LTBP2: variants seen among roughly 807,000 people sequenced by gnomAD.
The protein encoded by LTBP2 is latent transforming growth factor beta binding protein 2.
LTBP2 carries 103 observed loss-of-function variants against 210.6 expected under a neutral mutation model. The observed-to-expected ratio is 0.49, with a 90% CI of 0.42 to 0.58. The LOEUF is 0.58. Among genes scored for constraint, LTBP2 ranks in the 20% least tolerant of loss-of-function variants. LTBP2 has a pLI of 0.00. For synonymous variants in LTBP2, 1,007 were observed against 1,015.0 expected (o/e 0.99, Z 0.15); for missense variants, 2,313 against 2,494.5 (o/e 0.93, Z 1.55).
intron 6 of LTBP2, 144 bp from the exon 7 acceptor site, chr14:74,551,494 C>A: frequency 1.2e-6 from 1 of 800,338 alleles, no homozygotes; most frequent in Non-Finnish European, 1.9e-6. Flanking sequence ...TCTTTGCTCC[C>A]AAGTTAGAAC....
intron 3 of LTBP2, among the ~76,000 whole-genome samples, chr14:74,578,679 T>C (rs1457038349): frequency 1.3e-5 from 2 of 152,164 alleles, no homozygotes; most frequent in Admixed American, 1.3e-4. Context: ...AGGTTCACGA[T>C]ATCATCAGCA....
chr14:74,611,509 C>G lies in LTBP2; in HGVS notation c.436G>C (p.Gly146Arg). The G allele has an allele frequency of 6.5e-7, 1 of 1,530,190 alleles. No homozygotes were observed. The highest frequency in any genetic ancestry group is 2.0e-5 in the Admixed American group (1 of 49,012). 94.8% of individuals were successfully genotyped at this position (1,530,190 alleles called of 1,614,324 possible). A position where few individuals can be genotyped will look rare whatever the true frequency, so the allele number is the denominator to read the frequency against. The change falls in exon 1 of 36, where the codon GGG becomes CGG. Residue 146 changes from glycine (G) to arginine (R), a missense_variant. Physicochemically the swap from Gly to Arg is moderately radical, Grantham distance 125. This residue lies in a region of LTBP2 where 1,867 missense variants were observed against 1,976.9 expected (regional missense o/e 0.94). Coordinates refer to ENST00000261978, the MANE Select transcript of LTBP2 (RefSeq NM_000428.3). ...TRAAPALPRL[G>R]TPQRSGAAPP... ...GCAGCCCCAGACCGCTGTGGGGTCC[C>G]CAGGCGTGGGAGAGCCGGCGCGGCC...
chr14:74,518,795 G>T (rs957559669), intron 17 of LTBP2, among the ~76,000 whole-genome samples: 1 of 152,216 alleles, frequency 6.6e-6, no homozygotes, highest in Admixed American at 6.5e-5. Context: ...CTGCTGTACT[G>T]GTGGGCCCAG....
rs774280218 is a variant in LTBP2, at chr14:74,510,100, C to T, written c.3142G>A (p.Gly1048Ser). Residue 1048 changes from glycine to serine, a missense_variant, in exon 20 of 36, where the codon GGC (glycine) becomes AGC (serine). Around this residue, in one of 3 missense-constraint regions of LTBP2, gnomAD observed 1,867 missense variants for 1,976.9 expected, o/e 0.94. Transcript: ENST00000261978. ...TTCAGCATCTCTGTACCTTGGCAGC[C>T]CTTCTCATCTGAGGTGACCTCATAG... ...QGYEVTSDEKGCQDVDECASR... is the reference protein window; with the variant it reads ...QGYEVTSDEKSCQDVDECASR... The T allele has an allele frequency of 1.9e-6, 3 of 1,614,086 alleles. No homozygotes were observed. In the South Asian group the frequency reaches 3.3e-5, roughly 18 times the overall value.
intron 8 of LTBP2, among the ~76,000 whole-genome samples, chr14:74,540,959 A>T (rs1225888409): frequency 1.5e-5 from 2 of 134,882 alleles, no homozygotes; most frequent in East Asian, 4.1e-4. Flanking sequence ...TTATATATGT[A>T]GGTTAAATTC....
chr14:74,526,040 CT>C, intron 14 of LTBP2, 34 bp downstream of exon 14: 1 of 1,584,806 alleles, frequency 6.3e-7, no homozygotes, highest in South Asian at 1.1e-5. Flanking sequence ...CCTCCCTTCT[CT>C]TTTGCCTAGG....
chr14:74,503,142 C>G (rs2086933652), intron 33 of LTBP2, 77 bp downstream of exon 33: 16 of 1,587,208 alleles, frequency 1.0e-5, no homozygotes, highest in Non-Finnish European at 1.1e-5. Context: ...TTCTAGATCC[C>G]CAGTTCCAAG....
chr14:74,524,144 C>A (rs945290987), intron 15 of LTBP2, among the ~76,000 whole-genome samples: 3 of 152,136 alleles, frequency 2.0e-5, no homozygotes, highest in Admixed American at 6.5e-5. Flanking sequence ...CTGCCCCCTG[C>A]CCCCTGCTTC....
At chr14:74,538,398 G>A (rs528404177) in intron 8 of LTBP2, among the ~76,000 whole-genome samples, 3 of 152,094 alleles carry the variant, frequency 2.0e-5, no homozygotes, top group East Asian at 1.9e-4. Flanking sequence ...GAGAAGGGTC[G>A]GCATTGCGTT....
chr14:74,593,847 T>A (rs1437493850), intron 2 of LTBP2, among the ~76,000 whole-genome samples: 14 of 152,006 alleles, frequency 9.2e-5, no homozygotes, highest in Admixed American at 9.2e-4. Flanking sequence ...TATGACCCTT[T>A]CCCCAGGAAA....
intron 9 of LTBP2, 111 bp from the exon 10 acceptor site, chr14:74,532,659 AGCT>A (rs2087367172): frequency 7.9e-7 from 1 of 1,258,800 alleles, no homozygotes; most frequent in Middle Eastern, 1.8e-4. Context: ...ACAACAAAAG[AGCT>A]GCTATGTATT....
At chr14:74,556,609 T>C (rs1035821997) in intron 3 of LTBP2, among the ~76,000 whole-genome samples, 1 of 152,248 alleles carries the variant, frequency 6.6e-6, no homozygotes, top group African/African-American at 2.4e-5. Flanking sequence ...CTCTGCCTCC[T>C]GGGTTCAAGC....
chr14:74,506,889 G>T (rs547249821), intron 26 of LTBP2, 66 bp from the exon 27 acceptor site: 1 of 1,282,622 alleles, frequency 7.8e-7, no homozygotes, highest in Non-Finnish European at 1.1e-6. Context: ...GCGCGCGCGC[G>T]TGTGTGCTCA....
intron 2 of LTBP2, among the ~76,000 whole-genome samples, chr14:74,591,305 T>C (rs1371207375): frequency 2.0e-5 from 3 of 152,134 alleles, no homozygotes; most frequent in Non-Finnish European, 4.4e-5. Context: ...CAAACTTTGG[T>C]TGGTACAATG....
At chr14:74,533,777 T>C (rs1370413771) in intron 9 of LTBP2, among the ~76,000 whole-genome samples, 9 of 152,350 alleles carry the variant, frequency 5.9e-5, no homozygotes, top group African/African-American at 2.2e-4. Flanking sequence ...CCCCTTTTCC[T>C]GCTGCAAACT....
At chr14:74,581,402 T>C (rs1158307224) in intron 3 of LTBP2, among the ~76,000 whole-genome samples, 2 of 151,984 alleles carry the variant, frequency 1.3e-5, no homozygotes, top group African/African-American at 4.8e-5. Flanking sequence ...GGTCATGACA[T>C]AGGCCCCTAA....
chr14:74,567,446 G>A (rs1304397366), intron 3 of LTBP2, among the ~76,000 whole-genome samples: 1 of 152,174 alleles, frequency 6.6e-6, no homozygotes, highest in East Asian at 1.9e-4. Flanking sequence ...CTCACACCCG[G>A]GCCACCTCAG....
At position 74,508,701 on chromosome 14, in the gene LTBP2, G is replaced by A. The variant is rs1341187341; in HGVS notation, c.3555C>T (p.His1185=). 5 of 1,613,690 alleles carry A rather than the reference G, an allele frequency of 3.1e-6. No homozygotes were observed. Among genetic ancestry groups the A allele is most frequent in the Non-Finnish European group, 4.2e-6 (5 of 1,179,992 alleles). ...EDVNECMGEE[H]CAPHGECLNS... is the part of the protein sequence containing the mutation. Reference sequence around the variant, plus strand: ...TGAGGCACTCGCCGTGGGGTGCGCAGTGCTCCTCCCCCATGCACTCATTCA... The same window carrying A: ...TGAGGCACTCGCCGTGGGGTGCGCAATGCTCCTCCCCCATGCACTCATTCA... Residue 1185 remains histidine (H), a synonymous_variant, in exon 24 of 36, where the codon CAC becomes CAT. Transcript: ENST00000261978.
At chr14:74,521,394 C>T (rs771712429) in intron 17 of LTBP2, among the ~76,000 whole-genome samples, 30 of 150,800 alleles carry the variant, frequency 2.0e-4, no homozygotes, top group Non-Finnish European at 3.8e-4. Context: ...GCGTTGGGAG[C>T]GTATTTATCA....
Sources: gnomAD v4.1 joint callset for allele counts (sites outside exome capture counted in the v4.1 genomes callset) on GRCh38, gnomAD v4.1.1 for gene constraint, gnomAD v4.1.1 regional missense constraint, MANE v1.5 for transcripts, NCBI Gene and HGNC (gene_info 2026-07-23, HGNC 2026-07-21) for gene names.